Variants in PCDHA2 observed in about 807,000 individuals in gnomAD.
PCDHA2 encodes protocadherin alpha-2.
A neutral mutation model predicts 66.0 loss-of-function variants in PCDHA2; 58 were observed. That is an observed-to-expected ratio of 0.88 (90% confidence interval 0.71 to 1.09). The LOEUF (loss-of-function observed/expected upper bound fraction) is 1.09, where lower values mean the gene tolerates loss of function less well. PCDHA2 is among the 50% of genes least tolerant of loss of function. PCDHA2 has a pLI of 0.00. For synonymous variants in PCDHA2, 634 were observed against 554.0 expected, an observed-to-expected ratio of 1.14 and a Z score of -2.03; for missense variants, 1,267 against 1,242.3, an observed-to-expected ratio of 1.02 and a Z score of -0.30.
At chr5:140,960,762 A>G (rs1164322988) in intron 1 of PCDHA2, among the ~76,000 whole-genome samples, 5 of 152,214 alleles carry the variant, frequency 3.3e-5, no homozygotes, top group Non-Finnish European at 7.3e-5. Flanking sequence ...CCCAAGAGTT[A>G]CAGAGGAGAA....
intron 1 of PCDHA2, chr5:140,850,815 C>T: frequency 6.3e-7 from 1 of 1,598,236 alleles, no homozygotes; most frequent in Non-Finnish European, 8.6e-7. Context: ...GGCCTTCAGC[C>T]CGGGCCTTTC....
chr5:140,870,582 G>T (rs1554164436), intron 1 of PCDHA2: 2 of 1,613,846 alleles, frequency 1.2e-6, no homozygotes, highest in Non-Finnish European at 1.7e-6. Flanking sequence ...CCTACTCGCT[G>T]GTGGAGCGGC....
chr5:140,813,192 G>C (rs1441562643), intron 1 of PCDHA2: 6 of 152,124 alleles, frequency 3.9e-5, no homozygotes, highest in African/African-American at 1.4e-4. Flanking sequence ...CTGCTTCCTT[G>C]CTGATTTTCT....
At chr5:140,814,442 C>T (rs985107425) in intron 1 of PCDHA2, 16 of 148,376 alleles carry the variant, frequency 1.1e-4, no homozygotes, top group South Asian at 2.1e-4. Flanking sequence ...TTGTGGTGAC[C>T]TTTTTTCTTT....
chr5:140,871,074 G>T (rs1210767724), intron 1 of PCDHA2: 10 of 1,613,214 alleles, frequency 6.2e-6, no homozygotes, highest in Middle Eastern at 3.3e-4. Context: ...GTGAGCCGGC[G>T]CTGACGGCCA....
intron 1 of PCDHA2, chr5:140,864,329 T>C (rs1381036358): frequency 1.3e-5 from 2 of 152,196 alleles, no homozygotes; most frequent in Non-Finnish European, 2.9e-5. Flanking sequence ...ATCATAATTA[T>C]TTGAGTTTAA....
chr5:140,990,871 G>GT, intron 3 of PCDHA2, among the ~76,000 whole-genome samples: 1 of 152,284 alleles, frequency 6.6e-6, no homozygotes, highest in East Asian at 1.9e-4. Context: ...TATTTTAAGT[G>GT]TATGTTCCAG....
intron 1 of PCDHA2, among the ~76,000 whole-genome samples, chr5:140,934,654 T>G (rs1178051306): frequency 6.6e-6 from 1 of 152,168 alleles, no homozygotes; most frequent in African/African-American, 2.4e-5. Flanking sequence ...AATGTTTGAT[T>G]CTTCCCCTTT....
intron 1 of PCDHA2, among the ~76,000 whole-genome samples, chr5:140,941,223 C>CTT (rs1276732463): frequency 3.0e-5 from 4 of 132,446 alleles, no homozygotes; most frequent in African/African-American, 1.2e-4. Context: ...TCCTTTCTTT[C>CTT]TTTCTTTCTT....
chr5:140,841,588 G>A (rs2150318650), intron 1 of PCDHA2: 2 of 1,614,070 alleles, frequency 1.2e-6, no homozygotes, highest in South Asian at 2.2e-5. Flanking sequence ...TGAATTCTCG[G>A]ATCGACCGCG....
At chr5:140,822,017 G>A in intron 1 of PCDHA2, 8 of 1,614,172 alleles carry the variant, frequency 5.0e-6, no homozygotes, top group African/African-American at 2.7e-5. Flanking sequence ...CTGCAGAATG[G>A]CATTTTGTTT....
chr5:140,900,882 A>G (rs1453854297), intron 1 of PCDHA2, among the ~76,000 whole-genome samples: 1 of 152,044 alleles, frequency 6.6e-6, no homozygotes, highest in African/African-American at 2.4e-5. Flanking sequence ...ATTGCCTGTC[A>G]TTTGGATAAA....
intron 3 of PCDHA2, among the ~76,000 whole-genome samples, chr5:140,992,700 G>A (rs2097525204): frequency 6.6e-6 from 1 of 152,162 alleles, no homozygotes; most frequent in Non-Finnish European, 1.5e-5. Flanking sequence ...GGTGGGTAAT[G>A]TTCCTGCCAG....
rs2150182340 is a variant in PCDHA2, at chr5:140,830,165, G to A, written c.2388+32813G>A. 43 of 1,613,446 alleles carry A rather than the reference G, an allele frequency of 2.7e-5. 1 individual carries two copies. The South Asian group carries it at 4.5e-4, about 17-fold the overall frequency. ...GGTGGGCGCCGCGGGCCCAGAGGCG[G>A]CGCTGGTGGATGTCAACGTGTACCT... On this transcript the variant is annotated intron_variant, in intron 1 of 3. Transcript: ENST00000526136.
In PCDHA2 at chr5:141,011,948, A is replaced by G. The variant is rs1011232437; in HGVS notation, c.*2011A>G. ...TAGGAGTCTGTTATTTAAAAAAAGC[A>G]TTAAATTTAAAAAAAAACTGTCTTG... On this transcript the variant is annotated 3_prime_UTR_variant, in exon 4 of 4. Transcript: ENST00000526136. 3 of 153,698 alleles carry G rather than the reference A, an allele frequency of 2.0e-5. No homozygotes were observed. The highest frequency in any genetic ancestry group is 4.4e-5 in the Non-Finnish European group (3 of 68,026). The allele number at this position is 153,698 out of a possible 1,614,324, so 9.5% of individuals were successfully genotyped here.
chr5:140,869,307 C>G, intron 1 of PCDHA2: 2 of 1,613,664 alleles, frequency 1.2e-6, no homozygotes, highest in Non-Finnish European at 1.7e-6. Flanking sequence ...GGGTGGCGTC[C>G]AAAACACATG....
intron 1 of PCDHA2, among the ~76,000 whole-genome samples, chr5:140,934,465 A>G (rs1313806464): frequency 1.3e-5 from 2 of 152,152 alleles, no homozygotes; most frequent in African/African-American, 4.8e-5. Context: ...ATGTTTTAAC[A>G]TTATTTTGAA....
intron 3 of PCDHA2, among the ~76,000 whole-genome samples, chr5:140,992,705 T>C (rs1291266922): frequency 6.6e-6 from 1 of 152,188 alleles, no homozygotes; most frequent in African/African-American, 2.4e-5. Flanking sequence ...GTAATGTTCC[T>C]GCCAGTATTC....
intron 1 of PCDHA2, chr5:140,882,983 GC>G: frequency 1.2e-6 from 2 of 1,614,130 alleles, no homozygotes; most frequent in Non-Finnish European, 1.7e-6. Context: ...GAATGACAAC[GC>G]CCCGGAATTT....
Sources: gnomAD v4.1 joint callset for allele counts (sites outside exome capture counted in the v4.1 genomes callset) on GRCh38, gnomAD v4.1.1 for gene constraint, MANE v1.5 for transcripts, NCBI Gene and HGNC (gene_info 2026-07-23, HGNC 2026-07-21) for gene names.